CFAP57: variants seen among roughly 807,000 people sequenced by gnomAD.
CFAP57 encodes cilia and flagella associated protein 57, also known as cilia- and flagella-associated protein 57.
In CFAP57, 116 loss-of-function variants were observed where a neutral mutation model predicts 146.8. That is an observed-to-expected ratio of 0.79 (90% CI 0.68 to 0.92). The LOEUF is 0.92. Among genes scored for constraint, CFAP57 ranks in the 40% least tolerant of loss-of-function variants. The pLI, the probability that CFAP57 is intolerant of heterozygous loss-of-function variation, is 0.00. For synonymous variants in CFAP57, 518 were observed against 552.8 expected (o/e 0.94, Z 0.88); for missense variants, 1,377 against 1,527.2 (o/e 0.90, Z 1.64).
rs1435721698 is a variant in CFAP57 at position 43,234,569 on chromosome 1, G to A, written c.3336G>A (p.Leu1112=). Reference sequence around the variant, plus strand: ...AGCGGGAGCACCTGGAGAGGAACCTGGCCACTCTCAAGAAGAAGGTGGTCA... The same window carrying A: ...AGCGGGAGCACCTGGAGAGGAACCTAGCCACTCTCAAGAAGAAGGTGGTCA... ...TRQREHLERN[L]ATLKKKVVKE... is the part of the protein sequence containing the mutation. Residue 1112 remains leucine, a synonymous_variant, in exon 21 of 23, where the codon CTG becomes CTA. Coordinates refer to ENST00000372492, the MANE Select transcript of CFAP57 (RefSeq NM_001378189.1). 2 of 1,550,350 alleles carry A rather than the reference G, an allele frequency of 1.3e-6. No homozygotes were observed. Among genetic ancestry groups the A allele is most frequent in the Non-Finnish European group, 1.7e-6 (2 of 1,146,980 alleles).
rs755016222 is a variant in CFAP57, at chr1:43,243,264, G to A, written c.3443G>A (p.Arg1148His). Reference protein sequence around the residue: ...VSLIKEINELRRELKFTRSQV... With the variant: ...VSLIKEINELHRELKFTRSQV... ...CTGATCAAGGAAATTAATGAGCTCC[G>A]CAGGGAGCTGAAGTTCACTCGGTCC... The change falls in exon 22 of 23, where the codon CGC becomes CAC. Residue 1148 changes from arginine (R) to histidine (H), a missense_variant. Coordinates refer to ENST00000372492, the MANE Select transcript of CFAP57 (RefSeq NM_001378189.1). The A allele has an allele frequency of 3.9e-5, 60 of 1,549,786 alleles. No individual in the cohort carries two copies. The highest frequency in any genetic ancestry group is 1.3e-4 in the South Asian group (11 of 83,938).
At chr1:43,195,387 TG>T (rs1207413316) in intron 6 of CFAP57, among the ~76,000 whole-genome samples, 1 of 152,102 alleles carries the variant, frequency 6.6e-6, no homozygotes, top group East Asian at 1.9e-4. Context: ...CTGGGCATGG[TG>T]GCATGTGCCT....
At chr1:43,222,744 C>T in intron 15 of CFAP57, 80 bp from the exon 16 acceptor site, 1 of 1,428,422 alleles carries the variant, frequency 7.0e-7, no homozygotes, top group Non-Finnish European at 9.3e-7. Context: ...TCCCCATGCT[C>T]ATCTCACCTC....
chr1:43,212,141 T>C (rs1644642379), intron 11 of CFAP57, among the ~76,000 whole-genome samples: 1 of 152,134 alleles, frequency 6.6e-6, no homozygotes, highest in South Asian at 2.1e-4. Flanking sequence ...TGTAGCAAAA[T>C]ATCAAACCAG....
At position 43,181,539 on chromosome 1, in the gene CFAP57, G is replaced by C; in HGVS notation, c.163G>C (p.Glu55Gln). ...CCTTTTTCCTCTGTTTGCAGGCTCA[G>C]AGAAGAGTCAGGGCATGTTGGCCTT... ...QKWQKFIPGSEKSQGMLALSI... is the reference protein window; with the variant it reads ...QKWQKFIPGSQKSQGMLALSI... Residue 55 changes from glutamate to glutamine, a missense_variant, in exon 3 of 23, where the codon GAG (glutamate) becomes CAG (glutamine). Glu to Gln is a conservative substitution (Grantham distance 29, BLOSUM62 2). Coordinates refer to ENST00000372492, the MANE Select transcript of CFAP57 (RefSeq NM_001378189.1). The C allele has an allele frequency of 1.9e-6, 3 of 1,614,160 alleles. No homozygotes were observed. The highest frequency in any genetic ancestry group is 2.5e-6 in the Non-Finnish European group (3 of 1,180,042).
intron 10 of CFAP57, among the ~76,000 whole-genome samples, chr1:43,207,231 A>G (rs901261858): frequency 2.0e-5 from 3 of 152,126 alleles, no homozygotes; most frequent in African/African-American, 4.8e-5. Context: ...AGGTCATGTC[A>G]TCTCTAAACT....
chr1:43,232,114 A>C (rs1224444174), intron 18 of CFAP57: 1 of 701,044 alleles, frequency 1.4e-6, no homozygotes, highest in Non-Finnish European at 2.6e-6. Context: ...TCACTTATAC[A>C]ACTTCAGAAA....
Position 43,218,729 on chromosome 1 carries a change from G to C in CFAP57, c.2092-653G>C, listed in dbSNP as rs146501572. 4.6e-3 allele frequency among the ~76,000 whole-genome samples: 705 copies of C among 152,340 alleles called. 6 individuals are homozygous for C. The highest frequency in any genetic ancestry group is 0.016 in the African/African-American group (655 of 41,574). On this transcript the variant is annotated intron_variant, in intron 12 of 22. Coordinates refer to ENST00000372492, the MANE Select transcript of CFAP57 (RefSeq NM_001378189.1). ...GTCTAAGAAGACATCAAGAGGGACAGATTGGCAGTACTGAGAACCACCCAG... is the reference window on the plus strand; with the variant it reads ...GTCTAAGAAGACATCAAGAGGGACACATTGGCAGTACTGAGAACCACCCAG...
intron 6 of CFAP57, chr1:43,194,687 G>A (rs1643748177): frequency 6.6e-6 from 1 of 151,966 alleles, no homozygotes. Context: ...GATCTATAAA[G>A]TTCACTAATT....
chr1:43,234,232 C>A, intron 19 of CFAP57, 47 bp from the exon 20 acceptor site: 1 of 1,482,424 alleles, frequency 6.7e-7, no homozygotes, highest in Admixed American at 2.5e-5. Context: ...CCCGCCCCTC[C>A]ACCGAGAGCA....
chr1:43,179,040 A>C (rs536105938), intron 2 of CFAP57, among the ~76,000 whole-genome samples: 24 of 152,280 alleles, frequency 1.6e-4, no homozygotes, highest in African/African-American at 5.5e-4. Context: ...CAAGGACAAA[A>C]AACCAAACAC....
intron 18 of CFAP57, among the ~76,000 whole-genome samples, chr1:43,231,115 A>G (rs1318838208): frequency 6.6e-6 from 1 of 152,158 alleles, no homozygotes; most frequent in Non-Finnish European, 1.5e-5. Flanking sequence ...TTATTCGTTC[A>G]TTCATCAAAT....
chr1:43,253,940 A>G (rs938163226), intron 22 of CFAP57, 37 bp from the exon 23 acceptor site: 14 of 1,532,914 alleles, frequency 9.1e-6, no homozygotes, highest in African/African-American at 1.4e-5. Context: ...CAGCAGTGCA[A>G]TGGACAGGCC....
At chr1:43,193,142 A>G (rs1643649969) in intron 6 of CFAP57, among the ~76,000 whole-genome samples, 1 of 152,134 alleles carries the variant, frequency 6.6e-6, no homozygotes, top group South Asian at 2.1e-4. Flanking sequence ...AACATTTTCT[A>G]TTTTGAAGCC....
chr1:43,244,900 C>T (rs1293741230), intron 22 of CFAP57, among the ~76,000 whole-genome samples: 4 of 152,070 alleles, frequency 2.6e-5, no homozygotes, highest in African/African-American at 9.6e-5. Context: ...GAGACTCCAT[C>T]TCAAAAAACA....
At chr1:43,227,340 T>C (rs1301988477) in intron 18 of CFAP57, among the ~76,000 whole-genome samples, 1 of 152,218 alleles carries the variant, frequency 6.6e-6, no homozygotes, top group Admixed American at 6.5e-5. Flanking sequence ...GGGAGTTAAC[T>C]TGCCACGGGA....
At position 43,185,362 on chromosome 1, in the gene CFAP57, G is replaced by T. The variant is rs1375114906; in HGVS notation, c.969+6G>T. The T allele has an allele frequency of 1.9e-6, 3 of 1,613,638 alleles. No homozygotes were observed. Among genetic ancestry groups the T allele is most frequent in the Non-Finnish European group, 2.5e-6 (3 of 1,179,752 alleles). On this transcript the variant is annotated splice_donor_region_variant and intron_variant, in intron 5 of 22. Coordinates refer to ENST00000372492, the MANE Select transcript of CFAP57 (RefSeq NM_001378189.1). ...GTGAGAGCAGAGAAATCAGGGTAAGGCGGGAAGAAAAAAAAGAAGTAAAAT... is the reference window on the plus strand; with the variant it reads ...GTGAGAGCAGAGAAATCAGGGTAAGTCGGGAAGAAAAAAAAGAAGTAAAAT...
rs1292684574 is a variant in CFAP57, at chr1:43,172,401, A to G, written c.-72A>G. 4.5e-6 allele frequency: 7 copies of G among 1,551,288 alleles called. No homozygotes were observed. In the African/African-American group the frequency reaches 9.6e-5, roughly 21 times the overall value. The stretch of plus-strand genomic sequence containing the variant: ...TGTCCGGGTTGCTTAGGATCCCTAC[A>G]GGTAGCGCCTCTGGATACATGCGTG... On this transcript the variant is annotated 5_prime_UTR_variant, in exon 1 of 23. Coordinates refer to ENST00000372492, the MANE Select transcript of CFAP57 (RefSeq NM_001378189.1).
At chr1:43,189,024 T>A (rs552033673) in intron 6 of CFAP57, among the ~76,000 whole-genome samples, 2 of 152,252 alleles carry the variant, frequency 1.3e-5, no homozygotes, top group Admixed American at 1.3e-4. Context: ...TCTTTCTCCA[T>A]TGAGTAGTCT....
Sources: allele counts gnomAD v4.1 joint callset (sites outside exome capture counted in the v4.1 genomes callset), GRCh38; gene constraint gnomAD v4.1.1; transcripts MANE v1.5; gene names NCBI Gene and HGNC (gene_info 2026-07-23, HGNC 2026-07-21).